Variants in KCNB2 observed in about 807,000 individuals in gnomAD.
The protein encoded by KCNB2 is delayed rectifier potassium channel protein.
A neutral mutation model predicts 61.5 loss-of-function variants in KCNB2; 15 were observed. The observed-to-expected ratio is 0.24, with a 90% confidence interval of 0.16 to 0.38. The LOEUF is 0.38. Ranked by LOEUF, KCNB2 falls within the 10% of genes least tolerant of loss-of-function variation. The probability of loss-of-function intolerance (pLI) is 1.00; values close to 1 mark genes in which losing one functional copy is unlikely to be tolerated. For synonymous variants in KCNB2, 457 were observed against 446.0 expected (o/e 1.02, Z -0.31); for missense variants, 828 against 1,125.2 (o/e 0.74, Z 3.78).
At chr8:72,782,085 C>T (rs1406451448) in intron 2 of KCNB2, among the ~76,000 whole-genome samples, 1 of 152,098 alleles carries the variant, frequency 6.6e-6, no homozygotes, top group Admixed American at 6.6e-5. Context: ...CAAACATGCA[C>T]ATCCTGCACA....
chr8:72,889,913 GC>G (rs1805868700), intron 2 of KCNB2, among the ~76,000 whole-genome samples: 1 of 152,004 alleles, frequency 6.6e-6, no homozygotes, highest in South Asian at 2.1e-4. Context: ...GTGCCAGCAT[GC>G]CCAGCAAATT....
chr8:72,675,270 A>G (rs943983246), intron 2 of KCNB2, among the ~76,000 whole-genome samples: 9 of 152,222 alleles, frequency 5.9e-5, no homozygotes, highest in Non-Finnish European at 1.2e-4. Flanking sequence ...GATGGAAGCA[A>G]TGAGTAGCAG....
At chr8:72,903,127 T>C (rs1339170017) in intron 2 of KCNB2, among the ~76,000 whole-genome samples, 1 of 152,216 alleles carries the variant, frequency 6.6e-6, no homozygotes, top group Non-Finnish European at 1.5e-5. Context: ...TGTTTAAGAT[T>C]GTTTTGAAGG....
intron 2 of KCNB2, among the ~76,000 whole-genome samples, chr8:72,779,306 A>G (rs375202182): frequency 6.6e-6 from 1 of 152,200 alleles, no homozygotes; most frequent in Non-Finnish European, 1.5e-5. Context: ...TCTCTCTTCA[A>G]TTTCACCTAG....
chr8:72,656,160 G>A (rs1806287871), intron 2 of KCNB2, among the ~76,000 whole-genome samples: 1 of 152,002 alleles, frequency 6.6e-6, no homozygotes, highest in African/African-American at 2.4e-5. Context: ...GCAGCACTGG[G>A]ACTTTCAGAC....
At position 72,544,719 on chromosome 8, in the gene KCNB2, C is replaced by A. The variant is rs913000495; in HGVS notation, c.-94+6834C>A. Among the ~76,000 whole-genome samples, 28 of 152,150 alleles carry A rather than the reference C, an allele frequency of 1.8e-4. 1 individual carries two copies. Among genetic ancestry groups the A allele is most frequent in the Admixed American group, 1.4e-3 (21 of 15,278 alleles). On this transcript the variant is annotated intron_variant, in intron 1 of 2. Transcript: ENST00000523207. ...GAGGTAACTTTAACTTCTAAACTTC[C>A]ATATTTCAGTGGTTAATAGAGTGGA...
At chr8:72,761,440 C>T (rs1443648175) in intron 2 of KCNB2, among the ~76,000 whole-genome samples, 1 of 152,176 alleles carries the variant, frequency 6.6e-6, no homozygotes, top group Non-Finnish European at 1.5e-5. Flanking sequence ...GGGGAAAAAA[C>T]CCAGCTCTTT....
intron 2 of KCNB2, among the ~76,000 whole-genome samples, chr8:72,903,906 C>G (rs1228473771): frequency 5.9e-5 from 9 of 151,958 alleles, no homozygotes; most frequent in Non-Finnish European, 1.2e-4. Context: ...CAACTTTTTG[C>G]CCTTGACGAG....
intron 2 of KCNB2, among the ~76,000 whole-genome samples, chr8:72,765,454 C>T (rs988171247): frequency 6.6e-6 from 1 of 152,170 alleles, no homozygotes; most frequent in African/African-American, 2.4e-5. Context: ...AATATTTCTC[C>T]CCAAACCACA....
chr8:72,631,092 A>G (rs1805872169), intron 2 of KCNB2, among the ~76,000 whole-genome samples: 1 of 152,230 alleles, frequency 6.6e-6, no homozygotes, highest in South Asian at 2.1e-4. Flanking sequence ...ATAATAAAAT[A>G]AAACAGTTAA....
At chr8:72,652,517 G>A (rs997956344) in intron 2 of KCNB2, among the ~76,000 whole-genome samples, 2 of 151,952 alleles carry the variant, frequency 1.3e-5, no homozygotes, top group Non-Finnish European at 2.9e-5. Flanking sequence ...GCCTTCCAAT[G>A]GCTTCAATTT....
intron 2 of KCNB2, among the ~76,000 whole-genome samples, chr8:72,812,505 A>T (rs1049443794): frequency 4.6e-5 from 7 of 152,122 alleles, no homozygotes; most frequent in Non-Finnish European, 2.9e-5. Flanking sequence ...ACTAACACAG[A>T]TGACAAATGG....
intron 2 of KCNB2, among the ~76,000 whole-genome samples, chr8:72,929,901 T>C (rs111862107): frequency 0.048 from 7,204 of 151,130 alleles, 561 homozygotes; most frequent in African/African-American, 0.17. Context: ...CTGCACCCAT[T>C]AACTCGTCAT....
chr8:72,780,106 A>G (rs1808729684), intron 2 of KCNB2, among the ~76,000 whole-genome samples: 2 of 152,184 alleles, frequency 1.3e-5, no homozygotes. Context: ...TGTAAGTGGA[A>G]TCTAGTGGTT....
chr8:72,772,213 G>A (rs961075747), intron 2 of KCNB2, among the ~76,000 whole-genome samples: 5 of 152,146 alleles, frequency 3.3e-5, no homozygotes, highest in South Asian at 2.1e-4. Flanking sequence ...CATTATCCTC[G>A]ATATACAGCA....
At chr8:72,857,347 A>G (rs1810222367) in intron 2 of KCNB2, among the ~76,000 whole-genome samples, 1 of 152,204 alleles carries the variant, frequency 6.6e-6, no homozygotes, top group African/African-American at 2.4e-5. Context: ...CATTCCAGGT[A>G]GAGGAATGAG....
At chr8:72,930,672 A>G (rs1227633188) in intron 2 of KCNB2, among the ~76,000 whole-genome samples, 1 of 152,034 alleles carries the variant, frequency 6.6e-6, no homozygotes, top group Non-Finnish European at 1.5e-5. Context: ...AATTTGTTTG[A>G]GTTCATTGTA....
intron 2 of KCNB2, among the ~76,000 whole-genome samples, chr8:72,731,655 T>C (rs999038092): frequency 2.0e-5 from 3 of 152,220 alleles, no homozygotes; most frequent in African/African-American, 4.8e-5. Context: ...CATTTGACCT[T>C]TCTCAGCTTC....
intron 2 of KCNB2, among the ~76,000 whole-genome samples, chr8:72,601,308 CT>C (rs1554578627): frequency 3.3e-5 from 5 of 152,020 alleles, no homozygotes; most frequent in Non-Finnish European, 7.4e-5. Context: ...AAAGACAAAA[CT>C]TTAGTAATTA....
Sources: allele counts gnomAD v4.1 joint callset (sites outside exome capture counted in the v4.1 genomes callset), GRCh38; gene constraint gnomAD v4.1.1; transcripts MANE v1.5; gene names NCBI Gene and HGNC (gene_info 2026-07-23, HGNC 2026-07-21).